AMER3: variants seen among roughly 807,000 people sequenced by gnomAD.
The protein encoded by AMER3 is APC membrane recruitment protein 3.
For missense variants in AMER3, 1,201 were observed against 1,139.4 expected, an observed-to-expected ratio of 1.05 and a Z score of -0.78; for synonymous variants, 541 against 485.5, an observed-to-expected ratio of 1.11 and a Z score of -1.50.
At position 130,765,906 on chromosome 2, in the gene AMER3, C is replaced by A. The variant is rs1678969800; in HGVS notation, c.*1248C>A. On this transcript the variant is annotated 3_prime_UTR_variant, in exon 2 of 2. Coordinates refer to ENST00000321420, the MANE Select transcript of AMER3 (RefSeq NM_152698.3). ...ACAGACATGCCCAGAATAATGATCT[C>A]CCAGGTCTCTAGGTATCCCTTAACC... The A allele has an allele frequency of 1.2e-5, 2 of 167,034 alleles. No homozygotes were observed. Among genetic ancestry groups the A allele is most frequent in the Non-Finnish European group, 2.9e-5 (2 of 68,150 alleles). 10.3% of individuals were successfully genotyped at this position (167,034 alleles called of 1,614,324 possible). A position where few individuals can be genotyped will look rare whatever the true frequency, so the allele number is the denominator to read the frequency against.
chr2:130,757,530 C>T (rs1352214496), intron 1 of AMER3, among the ~76,000 whole-genome samples: 3 of 152,272 alleles, frequency 2.0e-5, no homozygotes, highest in Non-Finnish European at 4.4e-5. Flanking sequence ...GTGTACAGCC[C>T]ATCTCCAGGC....
At chr2:130,758,829 A>G (rs553721975) in intron 1 of AMER3, among the ~76,000 whole-genome samples, 112 of 152,378 alleles carry the variant, frequency 7.4e-4, no homozygotes, top group Middle Eastern at 3.4e-3. Context: ...GTCTATAGCC[A>G]CAGGGTTACA....
chr2:130,760,411 C>T (rs1678742224), intron 1 of AMER3, among the ~76,000 whole-genome samples: 1 of 152,198 alleles, frequency 6.6e-6, no homozygotes, highest in Non-Finnish European at 1.5e-5. Context: ...CATGAAGAAG[C>T]ATTTCAGGGT....
intron 1 of AMER3, among the ~76,000 whole-genome samples, chr2:130,757,919 T>C (rs146911950): frequency 3.9e-5 from 6 of 152,126 alleles, no homozygotes; most frequent in African/African-American, 1.4e-4. Flanking sequence ...GATCACAAGG[T>C]CAAGAGATCA....
At chr2:130,760,131 T>C (rs1678733916) in intron 1 of AMER3, among the ~76,000 whole-genome samples, 1 of 152,254 alleles carries the variant, frequency 6.6e-6, no homozygotes, top group Non-Finnish European at 1.5e-5. Flanking sequence ...AGTCTCCCTC[T>C]GTCCAGGGTG....
rs369545914 is a variant in AMER3 at position 130,758,449 on chromosome 2, AGAAG to A, written c.-20+2790_-20+2793del. On this transcript the variant is annotated intron_variant, in intron 1 of 1. Transcript: ENST00000321420. The stretch of plus-strand genomic sequence containing the variant: ...AAGAAGGAGGGAGGGAAGGAAGGAA[AGAAG>A]GAAGGAAGGAAGGAGAGAAGAAAAT... Among the ~76,000 whole-genome samples the A allele has an allele frequency of 5.9e-3, 893 of 152,014 alleles. 7 individuals are homozygous for A. The highest frequency in any genetic ancestry group is 0.031 in the Middle Eastern group (9 of 294).
At chr2:130,760,689 A>T (rs1030727297) in intron 1 of AMER3, among the ~76,000 whole-genome samples, 4 of 152,128 alleles carry the variant, frequency 2.6e-5, no homozygotes, top group Non-Finnish European at 4.4e-5. Flanking sequence ...ATTTTGGGTG[A>T]TAGGAGCAGG....
rs745874912 is a variant in AMER3 at position 130,763,099 on chromosome 2, G to C, written c.1027G>C (p.Asp343His). Reference protein sequence around the residue: ...QGTDRDQSRLDTAGLAELPLC... With the variant: ...QGTDRDQSRLHTAGLAELPLC... Reference sequence around the variant, plus strand: ...GACAGACAGGGACCAATCCCGGCTGGACACAGCTGGGCTCGCTGAGCTGCC... The same window carrying C: ...GACAGACAGGGACCAATCCCGGCTGCACACAGCTGGGCTCGCTGAGCTGCC... The change falls in exon 2 of 2, where the codon GAC (aspartate) becomes CAC (histidine). Residue 343 changes from aspartate to histidine, a missense_variant. Physicochemically the swap from Asp to His is moderately conservative, Grantham distance 81 (BLOSUM62 -1). Transcript: ENST00000321420. 159 of 1,613,090 alleles carry C rather than the reference G, an allele frequency of 9.9e-5. 1 individual carries two copies. Among genetic ancestry groups the C allele is most frequent in the Non-Finnish European group, 1.2e-4 (141 of 1,179,916 alleles).
At chr2:130,760,013 G>A (rs1178864771) in intron 1 of AMER3, among the ~76,000 whole-genome samples, 1 of 152,194 alleles carries the variant, frequency 6.6e-6, no homozygotes, top group South Asian at 2.1e-4. Context: ...GCCTTATCAC[G>A]GCTGCAAAGG....
At chr2:130,758,131 C>CA (rs202210820) in intron 1 of AMER3, among the ~76,000 whole-genome samples, 4 of 147,728 alleles carry the variant, frequency 2.7e-5, no homozygotes, top group African/African-American at 1.0e-4. Flanking sequence ...GAGATTCCAT[C>CA]AAAAAAACAA....
At chr2:130,761,888 G>T (rs1346055032) in intron 1 of AMER3, among the ~76,000 whole-genome samples, 166 bp from the exon 2 acceptor site, 2 of 152,204 alleles carry the variant, frequency 1.3e-5, no homozygotes, top group African/African-American at 4.8e-5. Flanking sequence ...GGCTCCTACT[G>T]TGTGCTGTTA....
At position 130,762,111 on chromosome 2, in the gene AMER3, C is replaced by A; in HGVS notation, c.39C>A (p.Ser13Arg). The A allele has an allele frequency of 6.2e-7, 1 of 1,611,330 alleles. No homozygotes were observed. Among genetic ancestry groups the A allele is most frequent in the Non-Finnish European group, 8.5e-7 (1 of 1,179,276 alleles). The change falls in exon 2 of 2, where the codon AGC (serine) becomes AGA (arginine). Residue 13 changes from serine (S) to arginine (R), a missense_variant. Coordinates refer to ENST00000321420, the MANE Select transcript of AMER3 (RefSeq NM_152698.3). ...LKRGKTFIKS[S>R]LQVSHEKPPD... ...GAGGAAAGACCTTCATCAAGTCCAGCCTGCAGGTTTCCCACGAGAAACCCC... is the reference window on the plus strand; with the variant it reads ...GAGGAAAGACCTTCATCAAGTCCAGACTGCAGGTTTCCCACGAGAAACCCC...
Position 130,764,731 on chromosome 2 carries a change from C to A in AMER3, c.*73C>A. On this transcript the variant is annotated 3_prime_UTR_variant, in exon 2 of 2. Coordinates refer to ENST00000321420, the MANE Select transcript of AMER3 (RefSeq NM_152698.3). ...TCAGGAGAGCCTAGGACTCAAATCT[C>A]TATCTTTTGTCCCTGATGTGGGGAC... is the stretch of plus-strand genomic sequence containing the variant. The A allele has an allele frequency of 2.1e-6, 3 of 1,427,754 alleles. No homozygotes were observed. The highest frequency in any genetic ancestry group is 2.8e-6 in the Non-Finnish European group (3 of 1,071,626). 88.4% of individuals were successfully genotyped at this position (1,427,754 alleles called of 1,614,324 possible).
In AMER3 at chr2:130,763,542, C is replaced by G. The variant is rs1201755344; in HGVS notation, c.1470C>G (p.Gly490=). The G allele has an allele frequency of 6.2e-7, 1 of 1,612,602 alleles. No homozygotes were observed. Among genetic ancestry groups the G allele is most frequent in the Non-Finnish European group, 8.5e-7 (1 of 1,179,854 alleles). The part of the protein sequence containing the change: ...SQGFLQSSWK[G]KECLLKLCDT... ...GCTTCCTACAGAGCTCCTGGAAGGG[C>G]AAGGAGTGCCTGCTGAAGCTGTGTG... Residue 490 remains glycine (G), a synonymous_variant, in exon 2 of 2, where the codon GGC becomes GGG. Coordinates refer to ENST00000321420, the MANE Select transcript of AMER3 (RefSeq NM_152698.3).
Position 130,764,530 on chromosome 2 carries a change from C to G in AMER3, c.2458C>G (p.Gln820Glu). The change falls in exon 2 of 2, where the codon CAG (glutamine) becomes GAG (glutamate). Residue 820 changes from glutamine (Q) to glutamate (E), a missense_variant. Physicochemically the swap from Gln to Glu is conservative, Grantham distance 29. Transcript: ENST00000321420. ...AAGCCTGGGCCTCACTTTGAACAGC[C>G]AGCAGGAAGGGGGGGTCTCTGCAAG... ...PESLGLTLNS[Q>E]QEGGVSASAP... The G allele has an allele frequency of 6.2e-7, 1 of 1,603,782 alleles. No individual in the cohort carries two copies. The highest frequency in any genetic ancestry group is 1.3e-5 in the African/African-American group (1 of 74,932).
Position 130,762,241 on chromosome 2 carries a change from C to T in AMER3, c.169C>T (p.Pro57Ser), listed in dbSNP as rs374950545. The change falls in exon 2 of 2, where the codon CCC (proline) becomes TCC (serine). Residue 57 changes from proline (P) to serine (S), a missense_variant. By Grantham distance (74) the Pro-to-Ser change is moderately conservative. Coordinates refer to ENST00000321420, the MANE Select transcript of AMER3 (RefSeq NM_152698.3). The stretch of plus-strand genomic sequence containing the variant: ...CAGTGAGAAGGGCCCCCAAGCCAGC[C>T]CCAGTGCCCAAGAATACGACAGATG... ...PHSEKGPQAS[P>S]SAQEYDRCPN... The T allele has an allele frequency of 6.3e-7, 1 of 1,578,310 alleles. No individual in the cohort carries two copies. Among genetic ancestry groups the T allele is most frequent in the African/African-American group, 1.3e-5 (1 of 74,362 alleles).
chr2:130,763,638 C>G lies in AMER3; in HGVS notation c.1566C>G (p.Pro522=), dbSNP rs1465353201. 3 of 1,534,702 alleles carry G rather than the reference C, an allele frequency of 2.0e-6. No homozygotes were observed. The African/African-American group carries it at 4.1e-5, about 21-fold the overall frequency. Residue 522 remains proline (P), a synonymous_variant, in exon 2 of 2, where the codon CCC becomes CCG. Coordinates refer to ENST00000321420, the MANE Select transcript of AMER3 (RefSeq NM_152698.3). ...LRRGPTPRAP[P]TPGQPAAPPG... ...GAGGCCCCACGCCCCGTGCCCCACC[C>G]ACCCCTGGGCAGCCTGCAGCTCCAC...
In AMER3 at chr2:130,762,952, C is replaced by T. The variant is rs764210922; in HGVS notation, c.880C>T (p.Gln294Ter). The T allele has an allele frequency of 6.2e-7, 1 of 1,613,060 alleles. No homozygotes were observed. Among genetic ancestry groups the T allele is most frequent in the Middle Eastern group, 1.7e-4 (1 of 6,058 alleles). ...PRGPLQGSVE[Q>*]LASPAQNEAS... The stretch of plus-strand genomic sequence containing the variant: ...GGGCCCTCTCCAGGGCAGTGTGGAG[C>T]AGCTGGCCTCGCCCGCCCAGAATGA... Residue 294 changes from glutamine to a stop codon, truncating the protein, a stop_gained, in exon 2 of 2, where the codon CAG becomes TAG. Coordinates refer to ENST00000321420, the MANE Select transcript of AMER3 (RefSeq NM_152698.3). LOFTEE classifies it low-confidence loss of function (END_TRUNC).
intron 1 of AMER3, among the ~76,000 whole-genome samples, chr2:130,756,537 G>C (rs1678614253): frequency 1.3e-5 from 2 of 152,136 alleles, no homozygotes. Flanking sequence ...AGCGGTTCCC[G>C]GCGCAGTCAG....
Sources: allele counts gnomAD v4.1 joint callset (sites outside exome capture counted in the v4.1 genomes callset), GRCh38; gene constraint gnomAD v4.1.1; transcripts MANE v1.5; gene names NCBI Gene and HGNC (gene_info 2026-07-23, HGNC 2026-07-21).